The following MPP7 variants were observed in gnomAD, a reference collection of about 807,000 sequenced individuals.
The protein encoded by MPP7 is MAGUK p55 subfamily member 7.
A neutral mutation model predicts 76.5 loss-of-function variants in MPP7; 60 were observed. That is an observed-to-expected ratio of 0.78 (90% confidence interval 0.64 to 0.97). The LOEUF is 0.97. Among genes scored for constraint, MPP7 ranks in the 50% least tolerant of loss-of-function variants. MPP7 has a pLI of 0.00. For missense variants in MPP7, 641 were observed against 694.0 expected (o/e 0.92, Z 0.86); for synonymous variants, 237 against 244.5 (o/e 0.97, Z 0.29).
intron 11 of MPP7, among the ~76,000 whole-genome samples, chr10:28,097,278 C>T (rs991640745): frequency 2.0e-5 from 3 of 152,218 alleles, no homozygotes; most frequent in African/African-American, 7.2e-5. Flanking sequence ...CACCATACCT[C>T]GCCTTTCATT....
At chr10:28,214,540 G>T (rs1398928275) in intron 2 of MPP7, among the ~76,000 whole-genome samples, 3 of 151,538 alleles carry the variant, frequency 2.0e-5, no homozygotes, top group African/African-American at 7.3e-5. Flanking sequence ...CACAAACACC[G>T]AGTGCTTACT....
At chr10:28,257,745 T>A (rs1490720131) in intron 1 of MPP7, among the ~76,000 whole-genome samples, 4 of 142,068 alleles carry the variant, frequency 2.8e-5, no homozygotes, top group East Asian at 4.2e-4. Context: ...TAAAGTATAA[T>A]AAAAAAAAAA....
chr10:28,091,379 C>CAG (rs1853294146), intron 11 of MPP7, among the ~76,000 whole-genome samples: 1 of 151,608 alleles, frequency 6.6e-6, no homozygotes, highest in South Asian at 2.1e-4. Flanking sequence ...CCTCCGCCTC[C>CAG]TGGGTTGAAG....
chr10:28,144,702 T>C (rs570340733), intron 5 of MPP7, among the ~76,000 whole-genome samples: 8 of 152,304 alleles, frequency 5.3e-5, no homozygotes, highest in African/African-American at 1.9e-4. Flanking sequence ...TCTCAACTTA[T>C]ATGCCACTTC....
At chr10:28,177,365 G>A (rs976245766) in intron 3 of MPP7, among the ~76,000 whole-genome samples, 7 of 149,042 alleles carry the variant, frequency 4.7e-5, no homozygotes, top group South Asian at 2.1e-4. Flanking sequence ...CCAAGATCAC[G>A]CCACTGCACT....
intron 15 of MPP7, 145 bp downstream of exon 15, chr10:28,058,350 T>C (rs1392843158): frequency 4.3e-6 from 2 of 466,860 alleles, no homozygotes; most frequent in Non-Finnish European, 7.7e-6. Flanking sequence ...TCTCCAATTA[T>C]ATTTAAATGC....
intron 14 of MPP7, 140 bp from the exon 15 acceptor site, chr10:28,058,743 G>A: frequency 4.7e-6 from 2 of 424,362 alleles, no homozygotes; most frequent in Non-Finnish European, 8.4e-6. Context: ...ACAGAGCCAA[G>A]TATTTCAAAA....
chr10:28,135,843 T>C (rs1349415293), intron 5 of MPP7, among the ~76,000 whole-genome samples: 1 of 152,174 alleles, frequency 6.6e-6, no homozygotes, highest in Non-Finnish European at 1.5e-5. Flanking sequence ...AGCTCAAGAA[T>C]ACTATCTATA....
At chr10:28,242,534 G>A (rs1839304390) in intron 1 of MPP7, among the ~76,000 whole-genome samples, 1 of 152,200 alleles carries the variant, frequency 6.6e-6, no homozygotes, top group Admixed American at 6.5e-5. Flanking sequence ...TATATAAAAT[G>A]GTACTTGTAC....
At chr10:28,331,525 A>T (rs927282324) in intron 1 of MPP7, among the ~76,000 whole-genome samples, 4 of 152,188 alleles carry the variant, frequency 2.6e-5, no homozygotes. Context: ...CAAGCTAAAG[A>T]GGATATTTTT....
rs1852149610 is a variant in MPP7, at chr10:28,069,794, C to T, written c.1182G>A (p.Gln394=). The T allele has an allele frequency of 1.2e-6, 2 of 1,613,856 alleles. No homozygotes were observed. The highest frequency in any genetic ancestry group is 2.2e-5 in the South Asian group (2 of 91,068). ...LKRKLLISDT[Q]HYGVTVPHTT... Reference sequence around the variant, plus strand: ...CACGGGGCACTGTCACGCCATAGTGCTGGGTGTCACTGATCAGCAGCTTTC... The same window carrying T: ...CACGGGGCACTGTCACGCCATAGTGTTGGGTGTCACTGATCAGCAGCTTTC... Residue 394 remains glutamine, a synonymous_variant, in exon 13 of 17, where the codon CAG becomes CAA. Coordinates refer to ENST00000683449, the MANE Select transcript of MPP7 (RefSeq NM_001318170.2).
At chr10:28,159,794 T>C (rs1251598933) in intron 3 of MPP7, among the ~76,000 whole-genome samples, 3 of 152,226 alleles carry the variant, frequency 2.0e-5, no homozygotes, top group African/African-American at 7.2e-5. Context: ...CCTTGTTTTC[T>C]CTTGCATTCT....
At chr10:28,118,528 C>T in intron 11 of MPP7, 1 of 985,394 alleles carries the variant, frequency 1.0e-6, no homozygotes, top group African/African-American at 1.7e-5. Context: ...AGGCAAGGAG[C>T]CTCAAAGCTC....
intron 1 of MPP7, among the ~76,000 whole-genome samples, chr10:28,259,488 G>A (rs1839883246): frequency 6.6e-6 from 1 of 152,026 alleles, no homozygotes; most frequent in Admixed American, 6.6e-5. Flanking sequence ...GCTGAGGAGG[G>A]AGAATCACTT....
At chr10:28,304,060 G>A (rs1257992264), upstream of MPP7, among the ~76,000 whole-genome samples, 1 of 152,162 alleles carries the variant, frequency 6.6e-6, no homozygotes, top group African/African-American at 2.4e-5. Flanking sequence ...TCAGCTGATG[G>A]AGGGAATCAT....
intron 3 of MPP7, among the ~76,000 whole-genome samples, chr10:28,195,272 G>A (rs1394968837): frequency 6.6e-6 from 1 of 152,138 alleles, no homozygotes; most frequent in African/African-American, 2.4e-5. Context: ...AGACAAATCA[G>A]AACCCTTATA....
intron 1 of MPP7, among the ~76,000 whole-genome samples, chr10:28,296,472 CCAAAGTT>C (rs1215102580): frequency 6.6e-6 from 1 of 152,206 alleles, no homozygotes; most frequent in Admixed American, 6.5e-5. Context: ...TTTTCAAAGT[CCAAAGTT>C]GTCTTCAAAA....
chr10:28,205,649 G>C (rs866073909), intron 2 of MPP7, among the ~76,000 whole-genome samples: 11 of 152,158 alleles, frequency 7.2e-5, no homozygotes, highest in Admixed American at 1.3e-4. Context: ...CAGTGCAGCA[G>C]ACAAGCACAG....
intron 11 of MPP7, among the ~76,000 whole-genome samples, chr10:28,113,978 T>C (rs1237646329): frequency 2.6e-5 from 4 of 151,244 alleles, no homozygotes; most frequent in African/African-American, 9.7e-5. Flanking sequence ...CAAGGGAGAG[T>C]CTCCTGCCAG....
Sources: allele counts gnomAD v4.1 joint callset (sites outside exome capture counted in the v4.1 genomes callset), GRCh38; gene constraint gnomAD v4.1.1; transcripts MANE v1.5; gene names NCBI Gene and HGNC (gene_info 2026-07-23, HGNC 2026-07-21).